RIC1: variants seen among roughly 807,000 people sequenced by gnomAD.
The protein encoded by RIC1 is RIC1 partner of RAB6A GEF complex.
RIC1 carries 88 observed loss-of-function variants against 169.0 expected under a neutral mutation model. That is an observed-to-expected ratio of 0.52 (90% confidence interval 0.44 to 0.62). The LOEUF (loss-of-function observed/expected upper bound fraction) is 0.62, where lower values mean the gene tolerates loss of function less well. Among genes scored for constraint, RIC1 ranks in the 20% least tolerant of loss-of-function variants. The probability of loss-of-function intolerance (pLI) is 0.00; values close to 1 mark genes in which losing one functional copy is unlikely to be tolerated. For missense variants in RIC1, 1,877 were observed against 1,725.5 expected (o/e 1.09, Z -1.56); for synonymous variants, 790 against 601.5 (o/e 1.31, Z -4.59).
chr9:5,683,011 C>T (rs1820957342), intron 2 of RIC1, among the ~76,000 whole-genome samples: 1 of 152,142 alleles, frequency 6.6e-6, no homozygotes, highest in Admixed American at 6.5e-5. Context: ...GGTTTCAGCT[C>T]CATCAGGTCC....
In RIC1 at chr9:5,732,420, T is replaced by A. The variant is rs1448772688; in HGVS notation, c.753T>A (p.Val251=). ...QLHGVWPQDV[V]DGTCVAVNNK... ...ATGGAGTTTGGCCACAAGATGTTGT[T>A]GACGGAACGTGTGTAGCAGTAAATA... is the stretch of plus-strand genomic sequence containing the variant. The change falls in exon 7 of 26, where the codon GTT becomes GTA. Residue 251 remains valine, a synonymous_variant. Coordinates refer to ENST00000414202, the MANE Select transcript of RIC1 (RefSeq NM_020829.4). 1 of 1,611,980 alleles carries A rather than the reference T, an allele frequency of 6.2e-7. No homozygotes were observed.
At chr9:5,662,165 A>G (rs1022357331) in intron 2 of RIC1, among the ~76,000 whole-genome samples, 49 of 152,336 alleles carry the variant, frequency 3.2e-4, no homozygotes, top group African/African-American at 1.1e-3. Flanking sequence ...CCAGTCTTGC[A>G]TTCCGGGGAT....
chr9:5,750,889 C>T (rs1825683879), intron 12 of RIC1, among the ~76,000 whole-genome samples: 1 of 151,780 alleles, frequency 6.6e-6, no homozygotes, highest in Non-Finnish European at 1.5e-5. Context: ...GGAGAAAATA[C>T]ATAGTATCTT....
Position 5,763,751 on chromosome 9 carries a change from C to T in RIC1, c.2724C>T (p.Thr908=), listed in dbSNP as rs367636504. The T allele has an allele frequency of 2.0e-5, 33 of 1,614,164 alleles. No homozygotes were observed. Among genetic ancestry groups the T allele is most frequent in the African/African-American group, 4.0e-5 (3 of 75,044 alleles). The change falls in exon 19 of 26, where the codon ACC becomes ACT. Residue 908 remains threonine, a synonymous_variant. Coordinates refer to ENST00000414202, the MANE Select transcript of RIC1 (RefSeq NM_020829.4). This position sits in a 1 kb window ranked among gnomAD's most constrained non-coding sequence, Gnocchi z 5.2. ...CAGTTGTCCATTGTGCCAGGAAGAC[C>T]GAATATGCCCTGTGGAATTACCTTT... ...LQTVVHCARK[T]EYALWNYLFA... is the part of the protein sequence containing the mutation.
intron 2 of RIC1, among the ~76,000 whole-genome samples, chr9:5,670,416 C>A (rs1820020937): frequency 6.6e-6 from 1 of 152,138 alleles, no homozygotes; most frequent in South Asian, 2.1e-4. Flanking sequence ...CAGTCTAGGC[C>A]TTATTGATTC....
rs534106496 is a variant in RIC1 at position 5,697,632 on chromosome 9, T to C, written c.332+7594T>C. On this transcript the variant is annotated intron_variant, in intron 3 of 25. Transcript: ENST00000414202. ...AATGATGAATGCAAATGATGAAATA[T>C]GAGGCCTGGAGTTTTAGGAAAAGAA... 4.6e-5 allele frequency among the ~76,000 whole-genome samples: 7 copies of C among 152,324 alleles called. No homozygotes were observed. The South Asian group carries it at 1.2e-3, about 27-fold the overall frequency.
chr9:5,685,250 T>A (rs1395229956), intron 2 of RIC1, among the ~76,000 whole-genome samples: 8 of 149,570 alleles, frequency 5.3e-5, no homozygotes, highest in Admixed American at 4.7e-4. Context: ...TACCAATGAG[T>A]TTCTTCACAG....
chr9:5,688,994 A>G (rs1821426813), intron 2 of RIC1, among the ~76,000 whole-genome samples: 1 of 151,234 alleles, frequency 6.6e-6, no homozygotes, highest in South Asian at 2.1e-4. Context: ...GTATGTCATG[A>G]CGCAGATGTA....
intron 3 of RIC1, among the ~76,000 whole-genome samples, chr9:5,692,823 C>G (rs930223664): frequency 1.3e-5 from 2 of 151,856 alleles, no homozygotes; most frequent in Admixed American, 6.6e-5. Context: ...CATTATAAAC[C>G]CTTCTGTAGT....
intron 12 of RIC1, 105 bp from the exon 13 acceptor site, chr9:5,753,095 C>T: frequency 2.0e-6 from 2 of 1,022,704 alleles, no homozygotes; most frequent in East Asian, 2.4e-5. Flanking sequence ...TAGGGGGCAC[C>T]TTAAACATTG....
At chr9:5,768,107 T>C (rs1171647533) in intron 21 of RIC1, among the ~76,000 whole-genome samples, 2 of 152,198 alleles carry the variant, frequency 1.3e-5, no homozygotes, top group African/African-American at 2.4e-5. Flanking sequence ...CTAGGCTCTT[T>C]ACCCCACCAC....
chr9:5,641,387 G>A (rs756810951), intron 1 of RIC1, among the ~76,000 whole-genome samples: 16 of 152,020 alleles, frequency 1.1e-4, no homozygotes, highest in Non-Finnish European at 1.6e-4. Context: ...CACCGCGCCC[G>A]GCCGCCATGA....
Position 5,774,415 on chromosome 9 carries a change from A to G in RIC1, c.*169A>G, listed in dbSNP as rs1287887839. ...TTGTCTAAGAAATCTTTTTGACTCC[A>G]TAAAAATGTGATATAAAGCATCTTT... On this transcript the variant is annotated 3_prime_UTR_variant, in exon 26 of 26. Transcript: ENST00000414202. 5.5e-6 allele frequency: 3 copies of G among 544,908 alleles called. No individual in the cohort carries two copies. Among genetic ancestry groups the G allele is most frequent in the Admixed American group, 3.5e-5 (1 of 28,680 alleles). The allele number at this position is 544,908 out of a possible 1,614,324, so 33.8% of individuals were successfully genotyped here.
chr9:5,717,791 C>G (rs565601968), intron 4 of RIC1, among the ~76,000 whole-genome samples: 1 of 144,344 alleles, frequency 6.9e-6, no homozygotes, highest in Non-Finnish European at 1.5e-5. Flanking sequence ...GAGCTGAGAT[C>G]GCGCCACTGC....
intron 3 of RIC1, among the ~76,000 whole-genome samples, chr9:5,708,002 T>C (rs560791153): frequency 6.6e-6 from 1 of 152,216 alleles, no homozygotes; most frequent in African/African-American, 2.4e-5. Flanking sequence ...TTATTGTTGT[T>C]GTTGGTTTGA....
intron 2 of RIC1, among the ~76,000 whole-genome samples, chr9:5,680,378 C>T (rs1340661985): frequency 6.6e-6 from 1 of 152,158 alleles, no homozygotes; most frequent in African/African-American, 2.4e-5. Flanking sequence ...GGAGGATTCC[C>T]TCTTTTTCTA....
At chr9:5,736,252 G>T (rs1049878387) in intron 7 of RIC1, among the ~76,000 whole-genome samples, 3 of 152,190 alleles carry the variant, frequency 2.0e-5, no homozygotes, top group African/African-American at 7.2e-5. Flanking sequence ...TGGGCAGGTA[G>T]TCTGGAAAGA....
chr9:5,701,164 C>T (rs1490017659), intron 3 of RIC1, among the ~76,000 whole-genome samples: 1 of 152,178 alleles, frequency 6.6e-6, no homozygotes, highest in African/African-American at 2.4e-5. Context: ...GCTGGCTCTT[C>T]TGTTTGAGAC....
At chr9:5,730,399 A>G (rs902263632) in intron 6 of RIC1, among the ~76,000 whole-genome samples, 2 of 152,216 alleles carry the variant, frequency 1.3e-5, no homozygotes, top group Non-Finnish European at 2.9e-5. Context: ...AAATTAGGCT[A>G]TATGCAACAA....
Sources: allele counts gnomAD v4.1 joint callset (sites outside exome capture counted in the v4.1 genomes callset), GRCh38; gene constraint gnomAD v4.1.1; non-coding constraint Gnocchi (gnomAD v3.1); transcripts MANE v1.5; gene names NCBI Gene and HGNC (gene_info 2026-07-23, HGNC 2026-07-21).